GRM8: variants seen among roughly 807,000 people sequenced by gnomAD.
GRM8 encodes metabotropic glutamate receptor 8.
Under a neutral mutation model 87.2 loss-of-function variants are expected in GRM8, and 47 were observed. The ratio of observed to expected loss-of-function variants is 0.54; its 90% CI spans 0.43 to 0.69. The LOEUF is 0.69. Among genes scored for constraint, GRM8 ranks in the 30% least tolerant of loss-of-function variants. GRM8 has a pLI of 0.00. For synonymous variants in GRM8, 396 were observed against 404.5 expected (o/e 0.98, Z 0.25); for missense variants, 1,019 against 1,139.2 (o/e 0.89, Z 1.52).
intron 2 of GRM8, among the ~76,000 whole-genome samples, chr7:127,178,952 CA>C (rs978379254): frequency 1.3e-5 from 2 of 151,764 alleles, no homozygotes; most frequent in South Asian, 2.1e-4. Flanking sequence ...AAACAAAAAG[CA>C]AAAAAATCAA....
chr7:126,457,721 T>G (rs1050391356), intron 9 of GRM8, among the ~76,000 whole-genome samples: 1 of 150,880 alleles, frequency 6.6e-6, no homozygotes, highest in African/African-American at 2.4e-5. Context: ...GATATGATTA[T>G]TCATCTCAAA....
Position 126,813,916 on chromosome 7 carries a change from A to G in GRM8, c.1157-43851T>C, listed in dbSNP as rs1048363772. Among the ~76,000 whole-genome samples the G allele has an allele frequency of 5.3e-5, 8 of 152,206 alleles. No homozygotes were observed. The South Asian group carries it at 6.2e-4, about 12-fold the overall frequency. On this transcript the variant is annotated intron_variant, in intron 6 of 10. Coordinates refer to ENST00000339582, the MANE Select transcript of GRM8 (RefSeq NM_000845.3). ...ATGCATTGTCCCTTACTCAAAAATGACACTGCCTTTATTACTCACAATTTT... is the reference window on the plus strand; with the variant it reads ...ATGCATTGTCCCTTACTCAAAAATGGCACTGCCTTTATTACTCACAATTTT...
intron 2 of GRM8, among the ~76,000 whole-genome samples, chr7:127,235,782 T>C (rs968873484): frequency 1.1e-4 from 16 of 152,222 alleles, no homozygotes; most frequent in Admixed American, 1.0e-3. Context: ...TTAAAAGCTA[T>C]GCTGGCAATG....
At chr7:126,928,604 G>A (rs938877244) in intron 3 of GRM8, among the ~76,000 whole-genome samples, 1 of 151,540 alleles carries the variant, frequency 6.6e-6, no homozygotes, top group East Asian at 1.9e-4. Context: ...CCCAGGAGGT[G>A]GAGGCTGCAG....
intron 6 of GRM8, among the ~76,000 whole-genome samples, chr7:126,888,297 A>G (rs1800687870): frequency 6.6e-6 from 1 of 152,112 alleles, no homozygotes; most frequent in Admixed American, 6.6e-5. Flanking sequence ...AAAAGATCAC[A>G]GTGGAAATCC....
At chr7:126,792,121 G>A (rs748001433) in intron 6 of GRM8, among the ~76,000 whole-genome samples, 4 of 152,178 alleles carry the variant, frequency 2.6e-5, no homozygotes, top group Non-Finnish European at 5.9e-5. Context: ...GTCCCAGGAT[G>A]CCCCTCAGCA....
At chr7:127,076,869 T>C (rs1034823734) in intron 3 of GRM8, among the ~76,000 whole-genome samples, 1 of 152,184 alleles carries the variant, frequency 6.6e-6, no homozygotes, top group African/African-American at 2.4e-5. Context: ...GGATTCACAG[T>C]ATTTTAGAGC....
intron 6 of GRM8, among the ~76,000 whole-genome samples, chr7:126,802,981 C>T (rs1822893542): frequency 1.3e-5 from 2 of 152,118 alleles, no homozygotes; most frequent in African/African-American, 4.8e-5. Flanking sequence ...ATGTACAGGT[C>T]GTTCTTAGCA....
In GRM8 at chr7:127,197,608, A is replaced by G. The variant is rs887105837; in HGVS notation, c.510+45087T>C. Among the ~76,000 whole-genome samples, 87 of 151,712 alleles carry G rather than the reference A, an allele frequency of 5.7e-4. 2 individuals carry two copies. The highest frequency in any genetic ancestry group is 1.8e-3 in the African/African-American group (73 of 41,464). ...GGAAACATGTCTGTCAAAAAAAAAA[A>G]GGGGGAACAGCAAAGGGAAAACATC... On this transcript the variant is annotated intron_variant, in intron 2 of 10. Transcript: ENST00000339582.
At chr7:127,168,579 T>C (rs1323803378) in intron 2 of GRM8, among the ~76,000 whole-genome samples, 2 of 152,262 alleles carry the variant, frequency 1.3e-5, no homozygotes, top group Non-Finnish European at 1.5e-5. Flanking sequence ...TGCAGCACTG[T>C]TCACAATAGC....
chr7:126,629,318 G>A (rs1801011044), intron 7 of GRM8, among the ~76,000 whole-genome samples: 1 of 152,078 alleles, frequency 6.6e-6, no homozygotes, highest in Admixed American at 6.6e-5. Context: ...ACATTTTTAA[G>A]CCAAAAAGCT....
chr7:126,915,651 A>G (rs1444123324), intron 3 of GRM8, among the ~76,000 whole-genome samples: 3 of 152,198 alleles, frequency 2.0e-5, no homozygotes, highest in Non-Finnish European at 4.4e-5. Context: ...GGGTACAGGA[A>G]CTGGGAAAGA....
intron 2 of GRM8, chr7:127,228,313 A>G (rs1797471168): frequency 6.6e-6 from 1 of 152,218 alleles, no homozygotes; most frequent in African/African-American, 2.4e-5. Context: ...TGTTTAGCAT[A>G]GTGCCTGGCA....
intron 3 of GRM8, 45 bp from the exon 4 acceptor site, chr7:126,904,728 T>C (rs1802504040): frequency 6.3e-7 from 1 of 1,581,656 alleles, no homozygotes; most frequent in African/African-American, 1.4e-5. Context: ...AGAGCATTTA[T>C]TTAATTAGCA....
chr7:127,015,005 A>T (rs1157381105), intron 3 of GRM8, among the ~76,000 whole-genome samples: 1 of 32,672 alleles, frequency 3.1e-5, no homozygotes, highest in East Asian at 6.1e-4. Flanking sequence ...AAGAAGAAAG[A>T]AGAAGAAGAA....
At chr7:127,216,236 AG>A (rs1796517362) in intron 2 of GRM8, among the ~76,000 whole-genome samples, 1 of 152,046 alleles carries the variant, frequency 6.6e-6, no homozygotes. Context: ...TAAGAATCTG[AG>A]GCCAGGCATG....
At chr7:126,471,889 CT>C (rs1265529213) in intron 9 of GRM8, among the ~76,000 whole-genome samples, 1 of 152,098 alleles carries the variant, frequency 6.6e-6, no homozygotes, top group South Asian at 2.1e-4. Context: ...TGTAGTTCTC[CT>C]TGAAGAGGTC....
intron 9 of GRM8, among the ~76,000 whole-genome samples, chr7:126,479,759 GAC>G: frequency 6.8e-6 from 1 of 146,686 alleles, no homozygotes; most frequent in East Asian, 1.9e-4. Flanking sequence ...CAGACAGACA[GAC>G]AGACAGACAG....
chr7:126,914,312 C>G (rs1300693313), intron 3 of GRM8, among the ~76,000 whole-genome samples: 1 of 152,182 alleles, frequency 6.6e-6, no homozygotes, highest in Non-Finnish European at 1.5e-5. Flanking sequence ...GACTTACACA[C>G]TGTTGGTGGG....
Sources: gnomAD v4.1 joint callset for allele counts (sites outside exome capture counted in the v4.1 genomes callset) on GRCh38, gnomAD v4.1.1 for gene constraint, MANE v1.5 for transcripts, NCBI Gene and HGNC (gene_info 2026-07-23, HGNC 2026-07-21) for gene names.